The following MGMT variants were observed in gnomAD, a reference collection of about 807,000 sequenced individuals.
MGMT encodes O-6-methylguanine-DNA methyltransferase, also known as methylated-DNA--protein-cysteine methyltransferase.
MGMT carries 14 observed loss-of-function variants against 15.9 expected under a neutral mutation model. The observed-to-expected ratio is 0.88, with a 90% CI of 0.58 to 1.37. The LOEUF is 1.37. Ranked by LOEUF, MGMT falls within the 40% of genes most tolerant of loss-of-function variation. The pLI, the probability that MGMT is intolerant of heterozygous loss-of-function variation, is 0.00. For missense variants in MGMT, 282 were observed against 268.1 expected (o/e 1.05, Z -0.36); for synonymous variants, 130 against 118.2 (o/e 1.10, Z -0.65).
At chr10:129,471,871 TC>T (rs1384466824) in intron 1 of MGMT, among the ~76,000 whole-genome samples, 1 of 152,196 alleles carries the variant, frequency 6.6e-6, no homozygotes, top group Non-Finnish European at 1.5e-5. Context: ...CTGCAGGTTT[TC>T]TGTGCATATG....
At chr10:129,482,392 G>A (rs918466454) in intron 1 of MGMT, among the ~76,000 whole-genome samples, 3 of 152,134 alleles carry the variant, frequency 2.0e-5, no homozygotes, top group African/African-American at 7.2e-5. Flanking sequence ...TGGTTCTTGG[G>A]TGGAGTGCTC....
At chr10:129,645,279 C>T (rs1847374780) in intron 2 of MGMT, among the ~76,000 whole-genome samples, 1 of 152,100 alleles carries the variant, frequency 6.6e-6, no homozygotes. Flanking sequence ...ACCACCATGC[C>T]TAGCTGATTT....
At chr10:129,654,118 C>CCCCCGCCTTGCT (rs1564749745) in intron 2 of MGMT, among the ~76,000 whole-genome samples, 1 of 151,994 alleles carries the variant, frequency 6.6e-6, no homozygotes, top group African/African-American at 2.4e-5. Flanking sequence ...GCTGCCTCGC[C>CCCCCGCCTTGCT]GACCCCCGCC....
At chr10:129,595,035 CT>C (rs1357879962) in intron 2 of MGMT, among the ~76,000 whole-genome samples, 1 of 152,222 alleles carries the variant, frequency 6.6e-6, no homozygotes, top group Admixed American at 6.5e-5. Context: ...CGGGGCCTTC[CT>C]TCAGGCTTTC....
intron 2 of MGMT, among the ~76,000 whole-genome samples, chr10:129,667,422 T>C (rs1847671989): frequency 6.6e-6 from 1 of 152,218 alleles, no homozygotes; most frequent in Non-Finnish European, 1.5e-5. Context: ...GTGTTATGTT[T>C]GGGAGACGCA....
chr10:129,642,165 T>C (rs4751108), intron 2 of MGMT, among the ~76,000 whole-genome samples: 47,663 of 151,704 alleles, frequency 0.31, 7,717 homozygotes, highest in African/African-American at 0.36. Flanking sequence ...CGTTGAAAAG[T>C]GCCTCTTCAC....
intron 3 of MGMT, among the ~76,000 whole-genome samples, chr10:129,752,423 A>G (rs572707363): frequency 3.3e-5 from 5 of 152,086 alleles, no homozygotes; most frequent in Non-Finnish European, 5.9e-5. Context: ...TTAAAAATCT[A>G]TTGTGACAGT....
intron 3 of MGMT, among the ~76,000 whole-genome samples, chr10:129,710,263 A>G (rs1449525482): frequency 1.3e-5 from 2 of 152,188 alleles, no homozygotes; most frequent in Non-Finnish European, 2.9e-5. Flanking sequence ...AAAGCCCTAC[A>G]GTGCGGGTGG....
At chr10:129,757,837 TC>T (rs2133184153) in intron 3 of MGMT, among the ~76,000 whole-genome samples, 1 of 152,346 alleles carries the variant, frequency 6.6e-6, no homozygotes, top group South Asian at 2.1e-4. Flanking sequence ...TTAAATTGAT[TC>T]ATGAATTTTG....
rs5788995 is a variant in MGMT, at chr10:129,720,942, G to GA, written c.274+12911dup. On this transcript the variant is annotated intron_variant, in intron 3 of 4. Transcript: ENST00000651593. ...CTGTTGTAAATTTAAATGTCAGGGG[G>GA]AAAAAAAAAAAAGCAAGAAAAATAT... 6.0e-3 allele frequency among the ~76,000 whole-genome samples: 863 copies of GA among 144,220 alleles called. 3 individuals carry two copies. The highest frequency in any genetic ancestry group is 0.011 in the Middle Eastern group (3 of 278). The allele number at this position is 144,220 out of a possible 152,430, so 94.6% of individuals were successfully genotyped here. A position where few individuals can be genotyped will look rare whatever the true frequency, so the allele number is the denominator to read the frequency against.
rs559441223 is a variant in MGMT, at chr10:129,744,514, G to A, written c.275-14688G>A. Among the ~76,000 whole-genome samples, 55 of 152,328 alleles carry A rather than the reference G, an allele frequency of 3.6e-4. 2 individuals carry two copies. In the South Asian group the frequency reaches 0.011, roughly 31 times the overall value. ...TGAAGCTGGGCGCACCTCCTCCAGG[G>A]ACCATACTAAAGCAGCTAGCAGCAC... On this transcript the variant is annotated intron_variant, in intron 3 of 4. Coordinates refer to ENST00000651593, the MANE Select transcript of MGMT (RefSeq NM_002412.5).
chr10:129,634,341 A>T (rs1474165058), intron 2 of MGMT, among the ~76,000 whole-genome samples: 1 of 152,018 alleles, frequency 6.6e-6, no homozygotes, highest in African/African-American at 2.4e-5. Flanking sequence ...TGTGTCTTTT[A>T]CTTGGTTTCA....
At chr10:129,761,459 A>C (rs1252582659) in intron 4 of MGMT, among the ~76,000 whole-genome samples, 1 of 152,218 alleles carries the variant, frequency 6.6e-6, no homozygotes, top group Non-Finnish European at 1.5e-5. Flanking sequence ...TGATGCCAGC[A>C]GTTTCTCACT....
At chr10:129,486,222 C>T (rs1845408304) in intron 1 of MGMT, among the ~76,000 whole-genome samples, 1 of 134,204 alleles carries the variant, frequency 7.5e-6, no homozygotes, top group South Asian at 2.4e-4. Context: ...GAGTCTTGCT[C>T]TGTTGCTCAG....
At chr10:129,618,454 C>A (rs1436329004) in intron 2 of MGMT, among the ~76,000 whole-genome samples, 1 of 151,932 alleles carries the variant, frequency 6.6e-6, no homozygotes, top group East Asian at 1.9e-4. Context: ...CTCCAAATTT[C>A]GTTGTTTTTT....
intron 1 of MGMT, among the ~76,000 whole-genome samples, chr10:129,531,931 G>A (rs1845937799): frequency 6.6e-6 from 1 of 152,188 alleles, no homozygotes; most frequent in Admixed American, 6.5e-5. Flanking sequence ...TAAATAATTA[G>A]CCAGTTGGAT....
At chr10:129,644,932 C>T (rs1023308506) in intron 2 of MGMT, among the ~76,000 whole-genome samples, 1 of 152,124 alleles carries the variant, frequency 6.6e-6, no homozygotes, top group Non-Finnish European at 1.5e-5. Flanking sequence ...GTTTTGTCCA[C>T]TTTGTTCCCA....
chr10:129,731,356 CT>C (rs547636043), intron 3 of MGMT, among the ~76,000 whole-genome samples: 2,605 of 97,040 alleles, frequency 0.027, 23 homozygotes, highest in African/African-American at 0.094. Context: ...AAACCTAAGA[CT>C]TTTTTTTTTT....
intron 1 of MGMT, among the ~76,000 whole-genome samples, chr10:129,502,505 A>G (rs1299699413): frequency 2.5e-4 from 38 of 152,220 alleles, no homozygotes. Flanking sequence ...AAGGAAATAA[A>G]TGATCACATA....
Sources: gnomAD v4.1 joint callset for allele counts (sites outside exome capture counted in the v4.1 genomes callset) on GRCh38, gnomAD v4.1.1 for gene constraint, MANE v1.5 for transcripts, NCBI Gene and HGNC (gene_info 2026-07-23, HGNC 2026-07-21) for gene names.